Variants in SGCZ observed in about 807,000 individuals in gnomAD.
SGCZ encodes sarcoglycan zeta.
SGCZ carries 40 observed loss-of-function variants against 41.3 expected under a neutral mutation model. The observed-to-expected ratio is 0.97, with a 90% confidence interval of 0.75 to 1.26. The LOEUF is 1.26. Among genes scored for constraint, SGCZ ranks in the 50% most tolerant of loss-of-function variants. The pLI is 0.00. For synonymous variants in SGCZ, 206 were observed against 137.5 expected, an observed-to-expected ratio of 1.50 and a Z score of -3.49; for missense variants, 552 against 369.8, an observed-to-expected ratio of 1.49 and a Z score of -4.04.
At chr8:14,225,518 G>A (rs1396975926) in intron 4 of SGCZ, among the ~76,000 whole-genome samples, 2 of 152,050 alleles carry the variant, frequency 1.3e-5, no homozygotes, top group African/African-American at 2.4e-5. Context: ...CAACATGATA[G>A]TCAGGTGTAA....
intron 3 of SGCZ, 44 bp downstream of exon 3, chr8:14,324,059 C>A (rs376602669): frequency 1.1e-5 from 15 of 1,365,636 alleles, no homozygotes; most frequent in African/African-American, 4.3e-5. Flanking sequence ...AAAACATAAC[C>A]TCTAAATTAT....
intron 1 of SGCZ, among the ~76,000 whole-genome samples, chr8:15,169,504 T>A (rs1404088780): frequency 1.3e-5 from 2 of 152,172 alleles, no homozygotes; most frequent in Non-Finnish European, 2.9e-5. Flanking sequence ...CCTTTCAAAT[T>A]ATCTGTGAGC....
intron 1 of SGCZ, among the ~76,000 whole-genome samples, chr8:14,769,274 G>T (rs903050088): frequency 6.6e-6 from 1 of 152,054 alleles, no homozygotes; most frequent in African/African-American, 2.4e-5. Context: ...TTTTATCCAA[G>T]GAATTCACAA....
intron 4 of SGCZ, among the ~76,000 whole-genome samples, chr8:14,199,623 C>A (rs180702621): frequency 6.6e-6 from 1 of 151,960 alleles, no homozygotes; most frequent in Non-Finnish European, 1.5e-5. Context: ...TGTGATGTCT[C>A]CCCCGGACAC....
At chr8:14,624,871 A>G (rs1325041424) in intron 1 of SGCZ, among the ~76,000 whole-genome samples, 1 of 151,966 alleles carries the variant, frequency 6.6e-6, no homozygotes, top group Non-Finnish European at 1.5e-5. Flanking sequence ...ACACCGGGCT[A>G]TCACTCCCCA....
At chr8:15,142,816 G>T (rs538407682) in intron 1 of SGCZ, among the ~76,000 whole-genome samples, 1 of 152,096 alleles carries the variant, frequency 6.6e-6, no homozygotes, top group East Asian at 1.9e-4. Flanking sequence ...TTGCCATGTT[G>T]CCCAGGCTGG....
intron 4 of SGCZ, among the ~76,000 whole-genome samples, chr8:14,192,504 T>C (rs1805136204): frequency 6.6e-6 from 1 of 151,916 alleles, no homozygotes. Flanking sequence ...AATTATTTTA[T>C]AAAACTTACC....
intron 3 of SGCZ, among the ~76,000 whole-genome samples, chr8:14,281,000 G>T (rs1235684045): frequency 6.6e-6 from 1 of 151,766 alleles, no homozygotes; most frequent in African/African-American, 2.4e-5. Flanking sequence ...TAGCATTTCA[G>T]ATCAGACAAA....
intron 1 of SGCZ, among the ~76,000 whole-genome samples, chr8:15,097,837 T>TAC (rs1563123916): frequency 4.0e-3 from 34 of 8,428 alleles, no homozygotes; most frequent in South Asian, 0.03. Context: ...TATATATACG[T>TAC]GTGTGTATAT....
intron 1 of SGCZ, among the ~76,000 whole-genome samples, chr8:14,687,337 CT>C (rs1280965998): frequency 0.084 from 5,533 of 66,248 alleles, 278 homozygotes; most frequent in African/African-American, 0.41. Context: ...AAAGCTATCC[CT>C]CCCCCCTCCC....
chr8:14,397,392 TTAA>T (rs1282072171), intron 2 of SGCZ, among the ~76,000 whole-genome samples: 2 of 152,122 alleles, frequency 1.3e-5, no homozygotes. Context: ...TATTCACCAT[TTAA>T]TAATTATTAA....
intron 2 of SGCZ, among the ~76,000 whole-genome samples, chr8:14,467,385 C>A (rs1196680908): frequency 6.6e-6 from 1 of 151,988 alleles, no homozygotes; most frequent in East Asian, 1.9e-4. Flanking sequence ...GTCTCTTTAT[C>A]TGTACTTCTA....
In SGCZ at chr8:14,608,818, C is replaced by A. The variant is rs561225601; in HGVS notation, c.40-53892G>T. On this transcript the variant is annotated intron_variant, in intron 1 of 7. Coordinates refer to ENST00000382080, the MANE Select transcript of SGCZ (RefSeq NM_139167.4). Reference sequence around the variant, plus strand: ...GAGGGGACAAATATTCGAACCATATCGGCAAGTGTATCATTTTAAGCTTTT... The same window carrying A: ...GAGGGGACAAATATTCGAACCATATAGGCAAGTGTATCATTTTAAGCTTTT... Among the ~76,000 whole-genome samples, 3 of 151,840 alleles carry A rather than the reference C, an allele frequency of 2.0e-5. No homozygotes were observed. The South Asian group carries it at 6.2e-4, about 32-fold the overall frequency.
chr8:15,007,933 C>A (rs1802664545), intron 1 of SGCZ, among the ~76,000 whole-genome samples: 1 of 151,928 alleles, frequency 6.6e-6, no homozygotes, highest in Non-Finnish European at 1.5e-5. Flanking sequence ...TATTGTAGTT[C>A]ACATTTCTTT....
chr8:14,589,984 C>T (rs948801152), intron 1 of SGCZ, among the ~76,000 whole-genome samples: 3 of 152,108 alleles, frequency 2.0e-5, no homozygotes, highest in African/African-American at 7.2e-5. Context: ...GAAGCCAACT[C>T]TTTGCCCTAC....
intron 2 of SGCZ, among the ~76,000 whole-genome samples, chr8:14,421,199 A>G (rs903940321): frequency 7.2e-5 from 11 of 152,096 alleles, no homozygotes; most frequent in African/African-American, 2.7e-4. Context: ...TGTATCATAA[A>G]TACCAAAAAG....
intron 2 of SGCZ, among the ~76,000 whole-genome samples, chr8:14,512,009 T>G (rs1802481193): frequency 6.6e-6 from 1 of 152,170 alleles, no homozygotes; most frequent in Non-Finnish European, 1.5e-5. Flanking sequence ...ATTAGGGTTT[T>G]AAACATAGGG....
intron 2 of SGCZ, among the ~76,000 whole-genome samples, chr8:14,337,693 A>G (rs905471384): frequency 6.6e-6 from 1 of 152,202 alleles, no homozygotes; most frequent in Non-Finnish European, 1.5e-5. Flanking sequence ...TGATCTATGG[A>G]AAAGCACAGA....
At chr8:15,039,471 C>A (rs1803995880) in intron 1 of SGCZ, among the ~76,000 whole-genome samples, 1 of 152,108 alleles carries the variant, frequency 6.6e-6, no homozygotes, top group African/African-American at 2.4e-5. Flanking sequence ...TTTGGAGGAT[C>A]AGTGGGTGGG....
Sources: gnomAD v4.1 joint callset for allele counts (sites outside exome capture counted in the v4.1 genomes callset) on GRCh38, gnomAD v4.1.1 for gene constraint, MANE v1.5 for transcripts, NCBI Gene and HGNC (gene_info 2026-07-23, HGNC 2026-07-21) for gene names.